The following DLGAP2 variants were observed in gnomAD, a reference collection of about 807,000 sequenced individuals.
DLGAP2 encodes DLG associated protein 2, also known as disks large-associated protein 2.
Under a neutral mutation model 100.3 loss-of-function variants are expected in DLGAP2, and 26 were observed. That is an observed-to-expected ratio of 0.26 (90% CI 0.19 to 0.36). The LOEUF (loss-of-function observed/expected upper bound fraction) is 0.36. Ranked by LOEUF, DLGAP2 falls within the 10% of genes least tolerant of loss-of-function variation. The probability of loss-of-function intolerance (pLI) is 1.00; values close to 1 mark genes in which losing one functional copy is unlikely to be tolerated. For synonymous variants in DLGAP2, 886 were observed against 630.1 expected (o/e 1.41, Z -6.08); for missense variants, 1,858 against 1,453.2 (o/e 1.28, Z -4.53).
intron 3 of DLGAP2, among the ~76,000 whole-genome samples, chr8:1,323,598 G>GCTGTA (rs1045039531): frequency 9.2e-5 from 14 of 152,222 alleles, no homozygotes; most frequent in African/African-American, 3.4e-4. Flanking sequence ...AGCAGCTCCT[G>GCTGTA]CTGTACGGGG....
chr8:1,699,432 T>C (rs1799506488), intron 14 of DLGAP2, among the ~76,000 whole-genome samples: 2 of 150,566 alleles, frequency 1.3e-5, no homozygotes, highest in African/African-American at 4.9e-5. Context: ...GGTGAAACCC[T>C]GTCTCTATTA....
intron 2 of DLGAP2, among the ~76,000 whole-genome samples, chr8:1,155,254 C>T (rs566617003): frequency 2.4e-4 from 36 of 152,240 alleles, no homozygotes; most frequent in Middle Eastern, 3.4e-3. Flanking sequence ...CTTGTCGCTT[C>T]TTCTTCTTGT....
chr8:1,506,572 A>C (rs906666385), intron 4 of DLGAP2, among the ~76,000 whole-genome samples: 1 of 152,150 alleles, frequency 6.6e-6, no homozygotes, highest in Non-Finnish European at 1.5e-5. Context: ...ACAGCGTAAA[A>C]ATTAAGCATC....
At chr8:1,318,789 GC>G (rs1488752783) in intron 3 of DLGAP2, among the ~76,000 whole-genome samples, 1 of 54,882 alleles carries the variant, frequency 1.8e-5, no homozygotes, top group Admixed American at 1.7e-4. Flanking sequence ...CCCCCCCCCC[GC>G]CCCCTCGCCC....
chr8:1,103,411 C>T (rs547363264), intron 2 of DLGAP2, among the ~76,000 whole-genome samples: 4 of 151,348 alleles, frequency 2.6e-5, no homozygotes, highest in Non-Finnish European at 5.9e-5. Context: ...CCTTGTTTAA[C>T]GGTGATGACT....
At chr8:1,436,439 T>G (rs1797632129) in intron 3 of DLGAP2, among the ~76,000 whole-genome samples, 1 of 152,138 alleles carries the variant, frequency 6.6e-6, no homozygotes, top group South Asian at 2.1e-4. Flanking sequence ...GCCGAATAGA[T>G]GGTGCCCACC....
At chr8:1,500,400 T>G (rs1391159869) in intron 3 of DLGAP2, among the ~76,000 whole-genome samples, 1 of 151,586 alleles carries the variant, frequency 6.6e-6, no homozygotes, top group Non-Finnish European at 1.5e-5. Flanking sequence ...TCCAGCTGTG[T>G]CTGCACTGCC....
chr8:824,736 G>A (rs890449256), intron 1 of DLGAP2, among the ~76,000 whole-genome samples: 2 of 152,118 alleles, frequency 1.3e-5, no homozygotes, highest in African/African-American at 2.4e-5. Context: ...GAGGACCCAG[G>A]ATCCAGACAT....
chr8:1,465,808 G>A (rs1563165826), intron 3 of DLGAP2, among the ~76,000 whole-genome samples: 1 of 152,222 alleles, frequency 6.6e-6, no homozygotes, highest in Non-Finnish European at 1.5e-5. Context: ...TCTGTGCCGC[G>A]TTTCTTCCTC....
chr8:1,109,151 G>T (rs1345686094), intron 2 of DLGAP2, among the ~76,000 whole-genome samples: 1 of 98,480 alleles, frequency 1.0e-5, no homozygotes, highest in African/African-American at 3.9e-5. Flanking sequence ...GGATCTGTGA[G>T]GTGTGCACGG....
At chr8:1,466,167 A>G (rs1299150581) in intron 3 of DLGAP2, among the ~76,000 whole-genome samples, 8 of 152,180 alleles carry the variant, frequency 5.3e-5, no homozygotes, top group Admixed American at 4.6e-4. Context: ...CTTGACCCAC[A>G]TGGAGAAATA....
chr8:1,194,427 C>T (rs927650377), intron 2 of DLGAP2, among the ~76,000 whole-genome samples: 2 of 152,158 alleles, frequency 1.3e-5, no homozygotes, highest in African/African-American at 2.4e-5. Flanking sequence ...CTGGAGGCTC[C>T]TCCTGCCCAG....
At chr8:817,841 T>A (rs1330992285) in intron 1 of DLGAP2, among the ~76,000 whole-genome samples, 1 of 152,188 alleles carries the variant, frequency 6.6e-6, no homozygotes, top group East Asian at 1.9e-4. Flanking sequence ...CAGATGTGGA[T>A]ACCAGCACCT....
intron 1 of DLGAP2, among the ~76,000 whole-genome samples, chr8:817,075 G>C (rs1030126114): frequency 6.6e-6 from 1 of 151,828 alleles, no homozygotes; most frequent in African/African-American, 2.4e-5. Flanking sequence ...TGGGAGGCGG[G>C]GCTTTCAGTG....
intron 3 of DLGAP2, among the ~76,000 whole-genome samples, chr8:1,343,680 C>T (rs1801471227): frequency 6.7e-6 from 1 of 149,836 alleles, no homozygotes; most frequent in Non-Finnish European, 1.5e-5. Flanking sequence ...CCGCAGTCAG[C>T]TTTTGGAGCA....
chr8:1,557,068 G>A (rs983984855), intron 5 of DLGAP2, among the ~76,000 whole-genome samples: 19 of 152,248 alleles, frequency 1.2e-4, no homozygotes, highest in Middle Eastern at 6.8e-3. Context: ...TGTGGGGTAC[G>A]TCTTATGCAC....
intron 2 of DLGAP2, among the ~76,000 whole-genome samples, chr8:1,242,309 C>T (rs531931098): frequency 6.6e-6 from 1 of 152,092 alleles, no homozygotes; most frequent in Non-Finnish European, 1.5e-5. Flanking sequence ...GGTGACGGGG[C>T]AGGGCGGGGT....
In DLGAP2 at chr8:1,362,694, A is replaced by T. The variant is rs1056615877; in HGVS notation, c.106+103811A>T. On this transcript the variant is annotated intron_variant, in intron 3 of 14. Transcript: ENST00000637795. ...CAGTGCTGAGCCCCGAAATAACCTA[A>T]ATCTATTTTCCGCCCATTTGCTTTT... is the stretch of plus-strand genomic sequence containing the variant. Among the ~76,000 whole-genome samples the T allele has an allele frequency of 2.0e-5, 3 of 152,040 alleles. No individual in the cohort carries two copies. The South Asian group carries it at 6.2e-4, about 32-fold the overall frequency.
intron 3 of DLGAP2, among the ~76,000 whole-genome samples, chr8:1,347,353 G>C (rs1262181330): frequency 6.6e-6 from 1 of 151,648 alleles, no homozygotes; most frequent in African/African-American, 2.4e-5. Context: ...GGTGGAGGTT[G>C]AGTTCCCATA....
Sources: allele counts gnomAD v4.1 joint callset (sites outside exome capture counted in the v4.1 genomes callset), GRCh38; gene constraint gnomAD v4.1.1; transcripts MANE v1.5; gene names NCBI Gene and HGNC (gene_info 2026-07-23, HGNC 2026-07-21).